OTOF: variants seen among roughly 807,000 people sequenced by gnomAD.
The protein encoded by OTOF is fer-1-like family member 2.
OTOF carries 218 observed loss-of-function variants against 236.8 expected under a neutral mutation model. That is an observed-to-expected ratio of 0.92 (90% CI 0.82 to 1.03). The LOEUF (loss-of-function observed/expected upper bound fraction) is 1.03, where lower values mean the gene tolerates loss of function less well. Among genes scored for constraint, OTOF ranks in the 50% least tolerant of loss-of-function variants. The probability of loss-of-function intolerance (pLI) is 0.00; values close to 1 mark genes in which losing one functional copy is unlikely to be tolerated. For synonymous variants in OTOF, 1,041 were observed against 1,072.5 expected (o/e 0.97, Z 0.57); for missense variants, 2,590 against 2,694.4 (o/e 0.96, Z 0.86).
At chr2:26,465,204 A>G (rs550631971) in intron 38 of OTOF, among the ~76,000 whole-genome samples, 175 bp from the exon 39 acceptor site, 3 of 152,218 alleles carry the variant, frequency 2.0e-5, no homozygotes, top group Admixed American at 2.0e-4. Context: ...CTGGAGGCTG[A>G]ACCTTCCTGC....
At chr2:26,528,031 T>C in intron 2 of OTOF, 111 bp from the exon 3 acceptor site, 2 of 774,900 alleles carry the variant, frequency 2.6e-6, no homozygotes, top group East Asian at 5.1e-5. Flanking sequence ...GGCCCCTCAC[T>C]TGGGCCCAGT....
chr2:26,557,033 C>T (rs1433164945), intron 1 of OTOF, among the ~76,000 whole-genome samples: 1 of 152,190 alleles, frequency 6.6e-6, no homozygotes, highest in Non-Finnish European at 1.5e-5. Flanking sequence ...GCCCAGCCCA[C>T]ACCTCCCTCT....
rs1200061300 is a variant in OTOF, at chr2:26,463,524, G to A, written c.5151C>T (p.Ala1717=). Residue 1717 remains alanine, a synonymous_variant, in exon 41 of 47, where the codon GCC becomes GCT. Transcript: ENST00000272371. ...WVDMFPMDMP[A]PGTPLDISPR... The stretch of plus-strand genomic sequence containing the variant: ...GTGAGATGTCCAGAGGCGTCCCAGG[G>A]GCTGGCATGTCCATGGGGAACATGT... 1 of 1,609,210 alleles carries A rather than the reference G, an allele frequency of 6.2e-7. No homozygotes were observed. The highest frequency in any genetic ancestry group is 8.5e-7 in the Non-Finnish European group (1 of 1,178,160).
chr2:26,537,981 G>A (rs963258140), intron 1 of OTOF, among the ~76,000 whole-genome samples: 10 of 152,134 alleles, frequency 6.6e-5, no homozygotes, highest in Non-Finnish European at 1.0e-4. Flanking sequence ...TGAGGGAAGC[G>A]GGTCAAAGGC....
intron 1 of OTOF, among the ~76,000 whole-genome samples, chr2:26,551,390 C>T (rs1339631603): frequency 1.3e-5 from 2 of 152,232 alleles, no homozygotes; most frequent in Non-Finnish European, 2.9e-5. Context: ...GACTCACTTC[C>T]GGGCTCTAGG....
Position 26,558,625 on chromosome 2 carries a change from C to A in OTOF, c.-54G>T. 1 of 1,446,164 alleles carries A rather than the reference C, an allele frequency of 6.9e-7. No homozygotes were observed. The highest frequency in any genetic ancestry group is 9.7e-7 in the Non-Finnish European group (1 of 1,028,994). The allele number at this position is 1,446,164 out of a possible 1,614,324, so 89.6% of individuals were successfully genotyped here. A position where few individuals can be genotyped will look rare whatever the true frequency, so the allele number is the denominator to read the frequency against. Reference sequence around the variant, plus strand: ...GCAGGAGCAGCGGGAAGGAGCTAGCCGGTGGAGCACGGCTCACACGCCTCT... The same window carrying A: ...GCAGGAGCAGCGGGAAGGAGCTAGCAGGTGGAGCACGGCTCACACGCCTCT... On this transcript the variant is annotated 5_prime_UTR_variant, in exon 1 of 47. Coordinates refer to ENST00000272371, the MANE Select transcript of OTOF (RefSeq NM_194248.3).
chr2:26,482,720 CGTGTGTGAGTGGATGCATGT>C (rs1665577822), intron 13 of OTOF, 128 bp from the exon 14 acceptor site: 2 of 692,488 alleles, frequency 2.9e-6, no homozygotes, highest in Non-Finnish European at 4.7e-6. Flanking sequence ...GGTGTGCATG[CGTGTGTGAGTGGATGCATGT>C]GTGCGTGTGT....
chr2:26,474,492 C>T, intron 26 of OTOF, 21 bp downstream of exon 26: 3 of 1,579,324 alleles, frequency 1.9e-6, no homozygotes, highest in Non-Finnish European at 1.7e-6. Flanking sequence ...AGGCCTCAGC[C>T]CCTCTTCCCT....
chr2:26,508,726 T>C (rs571452375), intron 5 of OTOF, among the ~76,000 whole-genome samples: 40 of 152,370 alleles, frequency 2.6e-4, no homozygotes, highest in African/African-American at 9.1e-4. Context: ...AACTTCAACT[T>C]AAATTTATTT....
chr2:26,499,896 T>C (rs1203967350), intron 8 of OTOF, among the ~76,000 whole-genome samples: 2 of 152,226 alleles, frequency 1.3e-5, no homozygotes, highest in Non-Finnish European at 2.9e-5. Flanking sequence ...TAATTGTGAA[T>C]GAACTTGTCG....
chr2:26,530,050 G>A (rs566982359), intron 2 of OTOF, among the ~76,000 whole-genome samples: 3 of 151,760 alleles, frequency 2.0e-5, no homozygotes, highest in Non-Finnish European at 4.4e-5. Context: ...CATCAGCCAG[G>A]GCGCTGTGTG....
At chr2:26,545,806 A>G (rs548920772) in intron 1 of OTOF, among the ~76,000 whole-genome samples, 1 of 152,300 alleles carries the variant, frequency 6.6e-6, no homozygotes, top group East Asian at 1.9e-4. Flanking sequence ...TTGAAAATCA[A>G]TTGATTTTAT....
chr2:26,519,165 A>C (rs1666612760), intron 3 of OTOF, 56 bp from the exon 4 acceptor site: 8 of 1,160,744 alleles, frequency 6.9e-6, no homozygotes, highest in Non-Finnish European at 1.3e-6. Flanking sequence ...GGTGAGGAGC[A>C]AGACTGACAT....
intron 18 of OTOF, among the ~76,000 whole-genome samples, 175 bp downstream of exon 18, chr2:26,479,089 C>T (rs1665444309): frequency 6.6e-6 from 1 of 152,256 alleles, no homozygotes; most frequent in Non-Finnish European, 1.5e-5. Context: ...CTAGAGGTGG[C>T]TCCTGTCCTT....
intron 9 of OTOF, among the ~76,000 whole-genome samples, chr2:26,493,071 A>G (rs1447744838): frequency 6.6e-6 from 1 of 152,170 alleles, no homozygotes; most frequent in Non-Finnish European, 1.5e-5. Flanking sequence ...ATAGATGCTT[A>G]TCTAGGCGGA....
At chr2:26,510,702 T>C (rs961403381) in intron 5 of OTOF, 149 of 1,288,880 alleles carry the variant, frequency 1.2e-4, no homozygotes, top group Non-Finnish European at 1.4e-4. Context: ...CTGGGACACC[T>C]ACTTGTGCTC....
chr2:26,511,159 G>A (rs1224982654), intron 5 of OTOF, among the ~76,000 whole-genome samples: 1 of 144,992 alleles, frequency 6.9e-6, no homozygotes, highest in Non-Finnish European at 1.6e-5. Context: ...CTGCCCACCG[G>A]CTCCCCTGCT....
At chr2:26,492,641 T>C (rs4665856) in intron 9 of OTOF, among the ~76,000 whole-genome samples, 71,474 of 151,916 alleles carry the variant, frequency 0.47, 17,895 homozygotes, top group East Asian at 0.91. Flanking sequence ...TGTCTTCCTT[T>C]GGGTGAGTGT....
chr2:26,503,959 G>A, intron 5 of OTOF, 114 bp from the exon 6 acceptor site: 1 of 913,846 alleles, frequency 1.1e-6, no homozygotes, highest in South Asian at 1.3e-5. Flanking sequence ...GATGGACCCG[G>A]CCCCTCACCT....
Sources: gnomAD v4.1 joint callset for allele counts (sites outside exome capture counted in the v4.1 genomes callset) on GRCh38, gnomAD v4.1.1 for gene constraint, MANE v1.5 for transcripts, NCBI Gene and HGNC (gene_info 2026-07-23, HGNC 2026-07-21) for gene names.